Variants in SLC4A2 observed in about 807,000 individuals in gnomAD.
SLC4A2 encodes the protein anion exchange protein 2.
In SLC4A2, 36 loss-of-function variants were observed where a neutral mutation model predicts 115.0. The observed-to-expected ratio is 0.31, with a 90% CI of 0.24 to 0.41. SLC4A2 has a LOEUF of 0.41. SLC4A2 is among the 10% of genes least tolerant of loss of function. SLC4A2 has a pLI of 1.00. For synonymous variants in SLC4A2, 708 were observed against 708.3 expected, an observed-to-expected ratio of 1.00 and a Z score of 0.01; for missense variants, 1,252 against 1,705.6, an observed-to-expected ratio of 0.73 and a Z score of 4.68.
chr7:151,067,807 C>T, intron 7 of SLC4A2, 67 bp from the exon 8 acceptor site: 15 of 1,442,904 alleles, frequency 1.0e-5, no homozygotes, highest in Non-Finnish European at 1.3e-5. Context: ...CACCACTCAC[C>T]TCTGACACCC....
intron 5 of SLC4A2, among the ~76,000 whole-genome samples, chr7:151,065,178 G>T (rs898918216): frequency 6.6e-6 from 1 of 152,222 alleles, no homozygotes; most frequent in Non-Finnish European, 1.5e-5. Flanking sequence ...TTCTCACTGG[G>T]CGGCTGTAGG....
chr7:151,059,550 C>A (rs888971094), upstream of SLC4A2: 5 of 151,604 alleles, frequency 3.3e-5, no homozygotes, highest in South Asian at 6.2e-4. The surrounding 1 kb of genome is among the most constrained non-coding windows in gnomAD (Gnocchi z 5.8). Context: ...GCCTCCCCAC[C>A]CGCGAAGGCG....
Position 151,071,147 on chromosome 7 carries a change from A to G in SLC4A2, c.1825A>G (p.Ser609Gly), listed in dbSNP as rs1241633535. Residue 609 changes from serine (S) to glycine (G), a missense_variant, in exon 13 of 23, where the codon AGC (serine) becomes GGC (glycine). Around this residue, in one of 14 missense-constraint regions of SLC4A2, gnomAD observed 87 missense variants for 170.3 expected, o/e 0.51. Transcript: ENST00000413384. This position sits in a 1 kb window ranked among gnomAD's most constrained non-coding sequence, Gnocchi z 5.5. ...GGCCATCAACGCCTTCCTGGACTGC[A>G]GCGTGGTGCTGCCGCCTTCAGAAGT... The part of the protein sequence containing the change: ...LTAINAFLDC[S>G]VVLPPSEVQG... 1 of 1,612,824 alleles carries G rather than the reference A, an allele frequency of 6.2e-7. No individual in the cohort carries two copies. The highest frequency in any genetic ancestry group is 2.2e-5 in the East Asian group (1 of 44,894).
In SLC4A2 at chr7:151,067,860, C is replaced by G; in HGVS notation, c.967-14C>G. 2.5e-6 allele frequency: 4 copies of G among 1,611,722 alleles called. No individual in the cohort carries two copies. Among genetic ancestry groups the G allele is most frequent in the Non-Finnish European group, 3.4e-6 (4 of 1,179,236 alleles). ...GGCTCTGTACCCTGAAATGCCTTCT[C>G]TTCTCTCCCCAAGGTGTTTGTGGAG... is the stretch of plus-strand genomic sequence containing the variant. On this transcript the variant is annotated splice_polypyrimidine_tract_variant and intron_variant, in intron 7 of 22. Coordinates refer to ENST00000413384, the MANE Select transcript of SLC4A2 (RefSeq NM_003040.4).
Position 151,062,534 on chromosome 7 carries a change from C to G in SLC4A2, c.51+496C>G. 4 of 1,392,492 alleles carry G rather than the reference C, an allele frequency of 2.9e-6. No homozygotes were observed. The South Asian group carries it at 6.5e-5, about 23-fold the overall frequency. 86.3% of individuals were successfully genotyped at this position (1,392,492 alleles called of 1,614,324 possible). A position where few individuals can be genotyped will look rare whatever the true frequency, so the allele number is the denominator to read the frequency against. ...GGAGTCTTAATGATTAACCCCGTGC[C>G]ACAATCAGCTCCGCTATTGGTCACA... On this transcript the variant is annotated intron_variant, in intron 2 of 22. Transcript: ENST00000413384.
Position 151,071,262 on chromosome 7 carries a change from G to A in SLC4A2, c.1940G>A (p.Gly647Glu), listed in dbSNP as rs757078510. 6 of 1,562,558 alleles carry A rather than the reference G, an allele frequency of 3.8e-6. No homozygotes were observed. Among genetic ancestry groups the A allele is most frequent in the Admixed American group, 1.9e-5 (1 of 52,216 alleles). ...GAGCAGGGCCGGCTGCTACCTACAG[G>A]GGCTGGGCTGGAGCCCAAATCTGCC... ...REEQGRLLPT[G>E]AGLEPKSAQD... Residue 647 changes from glycine to glutamate, a missense_variant, in exon 13 of 23, where the codon GGG becomes GAG. Physicochemically the swap from Gly to Glu is moderately conservative, Grantham distance 98. Around this residue, in one of 14 missense-constraint regions of SLC4A2, gnomAD observed 122 missense variants for 116.8 expected, o/e 1.04. Coordinates refer to ENST00000413384, the MANE Select transcript of SLC4A2 (RefSeq NM_003040.4). The surrounding 1 kb of genome is among the most constrained non-coding windows in gnomAD (Gnocchi z 5.5).
At chr7:151,069,901 T>C (rs375585183) in intron 8 of SLC4A2, 46 bp from the exon 9 acceptor site, 3 of 1,611,650 alleles carry the variant, frequency 1.9e-6, no homozygotes, top group African/African-American at 1.3e-5. Context: ...CCTGCCACTG[T>C]TTTGTGACCT....
chr7:151,062,981 C>A (rs1356850911), intron 2 of SLC4A2: 2 of 1,420,308 alleles, frequency 1.4e-6, no homozygotes, highest in Admixed American at 2.9e-5. Context: ...CATACCCCCG[C>A]CCTTGGAGAT....
chr7:151,071,677 C>T lies in SLC4A2; in HGVS notation c.2192-12C>T, dbSNP rs1797445474. On this transcript the variant is annotated splice_polypyrimidine_tract_variant and intron_variant, in intron 14 of 22. Coordinates refer to ENST00000413384, the MANE Select transcript of SLC4A2 (RefSeq NM_003040.4). The surrounding 1 kb of genome is among the most constrained non-coding windows in gnomAD (Gnocchi z 5.5). ...TGGCCACCAGCTCCTGAGCTGGTTC[C>T]TACACCCCTAGGAGAGAAGACGCAG... 4.3e-6 allele frequency: 7 copies of T among 1,611,186 alleles called. No individual in the cohort carries two copies. Among genetic ancestry groups the T allele is most frequent in the East Asian group, 2.2e-5 (1 of 44,854 alleles).
At position 151,070,337 on chromosome 7, in the gene SLC4A2, G is replaced by A. The variant is rs1279869937; in HGVS notation, c.1440G>A (p.Val480=). The A allele has an allele frequency of 2.5e-6, 4 of 1,610,686 alleles. No individual in the cohort carries two copies. Among genetic ancestry groups the A allele is most frequent in the Middle Eastern group, 1.7e-4 (1 of 6,058 alleles). ...MGGVPETRLE[V]ERERELPPPA... ...GTGTTCCTGAGACCCGGCTGGAGGT[G>A]GAGCGAGAGGTGAGGGGAGAACCAG... is the stretch of plus-strand genomic sequence containing the variant. The change falls in exon 10 of 23, where the codon GTG becomes GTA. Residue 480 remains valine, a synonymous_variant. Transcript: ENST00000413384.
At chr7:151,069,452 T>C (rs1231600330) in intron 8 of SLC4A2, among the ~76,000 whole-genome samples, 1 of 152,158 alleles carries the variant, frequency 6.6e-6, no homozygotes, top group Non-Finnish European at 1.5e-5. Flanking sequence ...GTCAAGAAGC[T>C]TGGGGCGGAG....
intron 5 of SLC4A2, 95 bp downstream of exon 5, chr7:151,065,061 C>G (rs1198065153): frequency 4.4e-6 from 4 of 913,518 alleles, no homozygotes; most frequent in African/African-American, 1.6e-5. Flanking sequence ...TTGGAATCAC[C>G]AGGCCAGGGT....
At chr7:151,064,790 G>A (rs199874773) in intron 4 of SLC4A2, 23 bp downstream of exon 4, 379 of 1,608,422 alleles carry the variant, frequency 2.4e-4, no homozygotes, top group Non-Finnish European at 2.6e-4. Flanking sequence ...CGGGCTCCTA[G>A]GGCATGTCGG....
rs750184481 is a variant in SLC4A2, at chr7:151,070,033, A to G, written c.1234A>G (p.Lys412Glu). 6 of 1,614,150 alleles carry G rather than the reference A, an allele frequency of 3.7e-6. No homozygotes were observed. Among genetic ancestry groups the G allele is most frequent in the Non-Finnish European group, 5.1e-6 (6 of 1,180,028 alleles). The change falls in exon 9 of 23, where the codon AAG becomes GAG. Residue 412 changes from lysine (K) to glutamate (E), a missense_variant. This residue lies in a region of SLC4A2 where 142 missense variants were observed against 153.5 expected (regional missense o/e 0.93). Transcript: ENST00000413384. The stretch of plus-strand genomic sequence containing the variant: ...GCAGATGGTCATCTCTGACCAGATC[A>G]AGGCCGAGGACAGGGCCAACGTGCT... ...VEQMVISDQI[K>E]AEDRANVLRA... is the part of the protein sequence containing the mutation.
At chr7:151,063,140 C>A (rs1004945896) in intron 2 of SLC4A2, 3 of 1,466,978 alleles carry the variant, frequency 2.0e-6, no homozygotes, top group Non-Finnish European at 2.7e-6. Flanking sequence ...GCCGCATTCC[C>A]TGCCGGCTGT....
At position 151,064,836 on chromosome 7, in the gene SLC4A2, T is replaced by TC; in HGVS notation, c.460-9dup. The TC allele has an allele frequency of 2.5e-6, 4 of 1,613,716 alleles. No homozygotes were observed. The South Asian group carries it at 4.4e-5, about 18-fold the overall frequency. Reference sequence around the variant, plus strand: ...GCCTGGTCACTCCTGCCCATGTGGGTCCCTGTTACAGTTCTTTCTCCAAGA... The same window carrying TC: ...GCCTGGTCACTCCTGCCCATGTGGGTCCCCTGTTACAGTTCTTTCTCCAAGA... On this transcript the variant is annotated splice_polypyrimidine_tract_variant and intron_variant, in intron 4 of 22. Coordinates refer to ENST00000413384, the MANE Select transcript of SLC4A2 (RefSeq NM_003040.4).
intron 2 of SLC4A2, chr7:151,063,176 G>C (rs765979358): frequency 4.5e-5 from 63 of 1,405,098 alleles, no homozygotes; most frequent in Non-Finnish European, 5.6e-5. Flanking sequence ...CTCCGCGCCC[G>C]CAGGATGACT....
chr7:151,076,270 C>T lies in SLC4A2; in HGVS notation c.3646-17C>T, dbSNP rs1797638401. 1.3e-6 allele frequency: 2 copies of T among 1,577,010 alleles called. No individual in the cohort carries two copies. The highest frequency in any genetic ancestry group is 1.7e-6 in the Non-Finnish European group (2 of 1,159,256). ...CCCCCCCACTTCCCTTCTTGACCGC[C>T]ACCTCCCCACACACAGCTGGATGCT... On this transcript the variant is annotated splice_polypyrimidine_tract_variant and intron_variant, in intron 22 of 22. Transcript: ENST00000413384.
Position 151,066,873 on chromosome 7 carries a change from T to TGGGGTGCGGCGGCAC in SLC4A2, c.847_861dup (p.Gly283_His287dup), listed in dbSNP as rs1280478623. The TGGGGTGCGGCGGCAC allele has an allele frequency of 6.2e-7, 1 of 1,613,514 alleles. No individual in the cohort carries two copies. Among genetic ancestry groups the TGGGGTGCGGCGGCAC allele is most frequent in the East Asian group, 2.2e-5 (1 of 44,878 alleles). On this transcript the variant is annotated inframe_insertion, in exon 7 of 23. Coordinates refer to ENST00000413384, the MANE Select transcript of SLC4A2 (RefSeq NM_003040.4). ...CAGGTCACCGGTTTGAGGACGTTCC[T>TGGGGTGCGGCGGCAC]GGGGTGCGGCGGCACTTGGTGCGGA... is the stretch of plus-strand genomic sequence containing the variant.
Sources: gnomAD v4.1 joint callset for allele counts (sites outside exome capture counted in the v4.1 genomes callset) on GRCh38, gnomAD v4.1.1 for gene constraint, gnomAD v4.1.1 regional missense constraint, Gnocchi (gnomAD v3.1) non-coding constraint, MANE v1.5 for transcripts, NCBI Gene and HGNC (gene_info 2026-07-23, HGNC 2026-07-21) for gene names.